Variants in LRRFIP2 observed in about 807,000 individuals in gnomAD.
LRRFIP2 encodes leucine-rich repeat flightless-interacting protein 2.
In LRRFIP2, 109 loss-of-function variants were observed where a neutral mutation model predicts 125.9. The observed-to-expected ratio is 0.87, with a 90% CI of 0.74 to 1.01. The LOEUF is 1.01. Among genes scored for constraint, LRRFIP2 ranks in the 50% least tolerant of loss-of-function variants. LRRFIP2 has a pLI of 0.00. For missense variants in LRRFIP2, 850 were observed against 862.3 expected, an observed-to-expected ratio of 0.99 and a Z score of 0.18; for synonymous variants, 291 against 293.1, an observed-to-expected ratio of 0.99 and a Z score of 0.07.
chr3:37,155,809 T>C (rs2096170427), intron 1 of LRRFIP2, among the ~76,000 whole-genome samples: 1 of 152,196 alleles, frequency 6.6e-6, no homozygotes, highest in Admixed American at 6.5e-5. Context: ...GATAAAATGA[T>C]GAAATCCAGA....
At chr3:37,113,345 T>C (rs1344028669) in intron 7 of LRRFIP2, among the ~76,000 whole-genome samples, 1 of 152,150 alleles carries the variant, frequency 6.6e-6, no homozygotes, top group Non-Finnish European at 1.5e-5. Flanking sequence ...TCTCACTCTG[T>C]CACCCAGACA....
At chr3:37,147,781 G>A (rs1462726739) in intron 2 of LRRFIP2, among the ~76,000 whole-genome samples, 1 of 152,244 alleles carries the variant, frequency 6.6e-6, no homozygotes, top group Non-Finnish European at 1.5e-5. Context: ...TCAGTCTGCA[G>A]TTGCAGATAG....
intron 19 of LRRFIP2, among the ~76,000 whole-genome samples, chr3:37,076,396 G>A (rs537173880): frequency 2.0e-5 from 3 of 152,084 alleles, no homozygotes; most frequent in South Asian, 2.1e-4. Context: ...GGTTGGTGGC[G>A]TGTGCCTGTA....
intron 1 of LRRFIP2, among the ~76,000 whole-genome samples, chr3:37,163,043 C>T (rs1286908104): frequency 6.6e-6 from 1 of 152,210 alleles, no homozygotes; most frequent in Non-Finnish European, 1.5e-5. Flanking sequence ...TAGATATTTA[C>T]CGTAGTATCT....
intron 8 of LRRFIP2, among the ~76,000 whole-genome samples, chr3:37,112,292 C>T (rs763966688): frequency 3.4e-5 from 5 of 147,342 alleles, no homozygotes; most frequent in Non-Finnish European, 7.4e-5. Context: ...GCCGAGATCG[C>T]GCCATGCACT....
At chr3:37,070,979 C>CAA (rs2091083448) in intron 21 of LRRFIP2, among the ~76,000 whole-genome samples, 1 of 125,038 alleles carries the variant, frequency 8.0e-6, no homozygotes, top group African/African-American at 2.8e-5. Context: ...TACTTTGCCC[C>CAA]ACGTTTTTTC....
intron 15 of LRRFIP2, among the ~76,000 whole-genome samples, chr3:37,099,780 C>A (rs1398878142): frequency 6.6e-6 from 1 of 152,170 alleles, no homozygotes; most frequent in African/African-American, 2.4e-5. Context: ...AGGCTAGAAC[C>A]CCCAAAAATA....
In LRRFIP2 at chr3:37,150,965, CTTG is replaced by C. The variant is rs752407366; in HGVS notation, c.-55-1930_-55-1928del. On this transcript the variant is annotated intron_variant, in intron 1 of 27. Transcript: ENST00000336686. ...ACCATTTCTCATTCATCAGAGCTAG[CTTG>C]TTATTCTGTCCACCAGAATAAAGAC... 2.6e-5 allele frequency among the ~76,000 whole-genome samples: 4 copies of C among 152,278 alleles called. No individual in the cohort carries two copies. In the East Asian group the frequency reaches 7.7e-4, roughly 29 times the overall value.
At chr3:37,161,161 T>C (rs966242076) in intron 1 of LRRFIP2, among the ~76,000 whole-genome samples, 1 of 117,616 alleles carries the variant, frequency 8.5e-6, no homozygotes, top group African/African-American at 3.2e-5. Context: ...CTGGTCAACA[T>C]GGTGAAACCC....
intron 21 of LRRFIP2, chr3:37,067,290 C>T (rs1211864858): frequency 2.0e-5 from 3 of 152,154 alleles, no homozygotes; most frequent in Non-Finnish European, 4.4e-5. Flanking sequence ...CAGGAACATA[C>T]TTTGGTCATC....
chr3:37,157,501 G>A (rs986946105), intron 1 of LRRFIP2, among the ~76,000 whole-genome samples: 1 of 151,682 alleles, frequency 6.6e-6, no homozygotes, highest in African/African-American at 2.4e-5. Flanking sequence ...AACCAGAAGA[G>A]GAAAACAAGG....
chr3:37,091,338 A>G (rs898911435), intron 18 of LRRFIP2, 129 bp downstream of exon 18: 2 of 590,666 alleles, frequency 3.4e-6, no homozygotes, highest in Non-Finnish European at 5.9e-6. Flanking sequence ...ACTGCAGGTT[A>G]AGCACATGCT....
At chr3:37,088,321 T>A (rs1446298633) in intron 18 of LRRFIP2, among the ~76,000 whole-genome samples, 1 of 152,136 alleles carries the variant, frequency 6.6e-6, no homozygotes, top group African/African-American at 2.4e-5. Context: ...TTACTGAAGT[T>A]AAAGCTATTT....
chr3:37,094,650 G>C, intron 17 of LRRFIP2, 142 bp downstream of exon 17: 1 of 530,126 alleles, frequency 1.9e-6, no homozygotes, highest in Middle Eastern at 4.6e-4. Context: ...AAACACTTGA[G>C]TCACACTTTT....
intron 1 of LRRFIP2, among the ~76,000 whole-genome samples, chr3:37,159,268 C>A (rs1393087877): frequency 6.6e-6 from 1 of 152,140 alleles, no homozygotes; most frequent in African/African-American, 2.4e-5. Flanking sequence ...AATTACCTTG[C>A]CACCCTTGTC....
intron 23 of LRRFIP2, 99 bp downstream of exon 23, chr3:37,065,711 G>A: frequency 6.9e-7 from 1 of 1,446,688 alleles, no homozygotes; most frequent in East Asian, 2.3e-5. Context: ...TTGAGTCTCA[G>A]CCCTTATGCT....
At chr3:37,107,616 C>T (rs2094389746) in intron 13 of LRRFIP2, among the ~76,000 whole-genome samples, 1 of 151,982 alleles carries the variant, frequency 6.6e-6, no homozygotes, top group Admixed American at 6.6e-5. Flanking sequence ...TTATAATTGT[C>T]CCAGTTTTGT....
intron 6 of LRRFIP2, among the ~76,000 whole-genome samples, chr3:37,119,960 C>T (rs538802877): frequency 3.9e-5 from 6 of 152,114 alleles, no homozygotes; most frequent in African/African-American, 1.4e-4. Context: ...CCGCTCCCGG[C>T]CTTTTCAAAA....
intron 26 of LRRFIP2, 132 bp downstream of exon 26, chr3:37,054,954 G>C (rs1490060712): frequency 1.1e-5 from 7 of 632,296 alleles, no homozygotes; most frequent in South Asian, 1.9e-5. Context: ...AGTGCTCTCT[G>C]CTGGCTTTTC....
Sources: allele counts gnomAD v4.1 joint callset (sites outside exome capture counted in the v4.1 genomes callset), GRCh38; gene constraint gnomAD v4.1.1; transcripts MANE v1.5; gene names NCBI Gene and HGNC (gene_info 2026-07-23, HGNC 2026-07-21).